RAB7A: variants seen among roughly 807,000 people sequenced by gnomAD.
The protein encoded by RAB7A is ras-related protein Rab-7a.
RAB7A carries 2 observed loss-of-function variants against 24.5 expected under a neutral mutation model. The observed-to-expected ratio is 0.08, with a 90% CI of 0.03 to 0.26. RAB7A has a LOEUF of 0.26. Ranked by LOEUF, RAB7A falls within the 10% of genes least tolerant of loss-of-function variation. The pLI, the probability that RAB7A is intolerant of heterozygous loss-of-function variation, is 1.00. For synonymous variants in RAB7A, 100 were observed against 95.9 expected, an observed-to-expected ratio of 1.04 and a Z score of -0.25; for missense variants, 118 against 255.7, an observed-to-expected ratio of 0.46 and a Z score of 3.67.
intron 2 of RAB7A, among the ~76,000 whole-genome samples, chr3:128,795,997 T>C (rs1014032231): frequency 6.6e-6 from 1 of 151,856 alleles, no homozygotes; most frequent in African/African-American, 2.4e-5. Context: ...GTGATCCGCC[T>C]GCCTCGGCCT....
chr3:128,777,965 C>T (rs150257998), intron 1 of RAB7A, among the ~76,000 whole-genome samples: 6,304 of 152,206 alleles, frequency 0.041, 178 homozygotes, highest in Non-Finnish European at 0.058. Flanking sequence ...CTGCCCGCCT[C>T]GGCCTCCCAA....
intron 1 of RAB7A, chr3:128,749,058 C>G (rs2070649730): frequency 6.6e-6 from 1 of 152,194 alleles, no homozygotes; most frequent in Non-Finnish European, 1.5e-5. Context: ...CCAGAGTCTG[C>G]TGTTTTTATG....
chr3:128,743,289 C>T (rs1223705011), intron 1 of RAB7A, among the ~76,000 whole-genome samples: 1 of 152,232 alleles, frequency 6.6e-6, no homozygotes, highest in Non-Finnish European at 1.5e-5. Context: ...GCCCCAGTTT[C>T]CCGCCCATGC....
At chr3:128,732,360 TAC>T (rs1240228023) in intron 1 of RAB7A, among the ~76,000 whole-genome samples, 1 of 151,948 alleles carries the variant, frequency 6.6e-6, no homozygotes, top group Non-Finnish European at 1.5e-5. Flanking sequence ...TTTAAAATGA[TAC>T]GTCTTTTTTG....
chr3:128,790,220 T>C (rs1933427459), intron 1 of RAB7A, among the ~76,000 whole-genome samples: 1 of 152,242 alleles, frequency 6.6e-6, no homozygotes, highest in African/African-American at 2.4e-5. Context: ...GTGGAATTCT[T>C]AGTATCAGCT....
At chr3:128,810,885 C>T (rs1161358862) in intron 5 of RAB7A, among the ~76,000 whole-genome samples, 1 of 152,120 alleles carries the variant, frequency 6.6e-6, no homozygotes, top group Admixed American at 6.5e-5. Context: ...GAAACCCCAT[C>T]TCTACTAAAA....
At chr3:128,803,854 G>A (rs967506080) in intron 3 of RAB7A, among the ~76,000 whole-genome samples, 3 of 152,098 alleles carry the variant, frequency 2.0e-5, no homozygotes, top group African/African-American at 7.2e-5. Context: ...TGGAAAAAAC[G>A]GATAAAAATA....
intron 5 of RAB7A, among the ~76,000 whole-genome samples, chr3:128,811,493 A>G (rs2107617728): frequency 6.6e-6 from 1 of 152,368 alleles, no homozygotes; most frequent in East Asian, 1.9e-4. Flanking sequence ...ACATGCTGCC[A>G]CATGGGTGCT....
chr3:128,791,432 C>T (rs1033792463), intron 1 of RAB7A, among the ~76,000 whole-genome samples: 26 of 152,186 alleles, frequency 1.7e-4, no homozygotes, highest in African/African-American at 5.8e-4. Flanking sequence ...TGAGCCACCG[C>T]GCCTGGCCAA....
chr3:128,733,214 C>T (rs1374350999), intron 1 of RAB7A, among the ~76,000 whole-genome samples: 1 of 152,116 alleles, frequency 6.6e-6, no homozygotes, highest in Admixed American at 6.6e-5. Context: ...ATCATCGATG[C>T]CCTGATGCTT....
intron 1 of RAB7A, among the ~76,000 whole-genome samples, chr3:128,758,278 T>TG (rs1406726324): frequency 2.0e-5 from 3 of 150,052 alleles, no homozygotes; most frequent in Non-Finnish European, 3.0e-5. Context: ...TTTTTTGTTT[T>TG]TTTTTTTTTT....
intron 1 of RAB7A, chr3:128,765,038 GGCGGCGGTGGCTGCGCGGCGCTGGA>G: frequency 7.3e-7 from 1 of 1,361,690 alleles, no homozygotes; most frequent in Non-Finnish European, 1.0e-6. Context: ...AAGGAGAGGT[GGCGGCGGTGGCTGCGCGGCGCTGGA>G]GCGGCGGCGG....
intron 3 of RAB7A, among the ~76,000 whole-genome samples, chr3:128,805,902 C>T (rs1933792956): frequency 6.6e-6 from 1 of 152,112 alleles, no homozygotes; most frequent in Admixed American, 6.5e-5. Context: ...TCCACTGTGC[C>T]TGGCTAGGCA....
chr3:128,806,681 TC>T, intron 4 of RAB7A, 91 bp downstream of exon 4: 1 of 1,280,302 alleles, frequency 7.8e-7, no homozygotes, highest in Non-Finnish European at 1.1e-6. Context: ...CTCACATGGC[TC>T]TAGGAGGTGC....
At chr3:128,785,708 C>T (rs1933322905) in intron 1 of RAB7A, among the ~76,000 whole-genome samples, 1 of 145,796 alleles carries the variant, frequency 6.9e-6, no homozygotes, top group African/African-American at 2.6e-5. Flanking sequence ...GAGATCGCGC[C>T]ACTGTACTCC....
intron 5 of RAB7A, among the ~76,000 whole-genome samples, chr3:128,808,654 C>G (rs1404186404): frequency 6.6e-6 from 1 of 152,166 alleles, no homozygotes; most frequent in Non-Finnish European, 1.5e-5. Context: ...TTTTGATGTA[C>G]AGCTCTGTTA....
chr3:128,729,308 C>T lies in RAB7A; in HGVS notation c.-9+2949C>T, dbSNP rs558575305. On this transcript the variant is annotated intron_variant, in intron 1 of 5. Transcript: ENST00000265062. Reference sequence around the variant, plus strand: ...GTCTTCAGCTGGGCACGGTGGCTCACGCCTGTAATCCCAGCACTTTGGGAG... The same window carrying T: ...GTCTTCAGCTGGGCACGGTGGCTCATGCCTGTAATCCCAGCACTTTGGGAG... Among the ~76,000 whole-genome samples the T allele has an allele frequency of 3.9e-5, 6 of 152,208 alleles. No homozygotes were observed. The East Asian group carries it at 1.2e-3, about 29-fold the overall frequency.
intron 1 of RAB7A, among the ~76,000 whole-genome samples, chr3:128,729,007 G>C (rs2070407770): frequency 6.6e-6 from 1 of 152,124 alleles, no homozygotes; most frequent in African/African-American, 2.4e-5. Flanking sequence ...GGGAAGATTT[G>C]GATTTTACAT....
At chr3:128,806,280 A>G (rs527920849) in intron 3 of RAB7A, 92 bp from the exon 4 acceptor site, 56 of 1,211,334 alleles carry the variant, frequency 4.6e-5, no homozygotes, top group African/African-American at 2.3e-4. Context: ...TGGCCCCACA[A>G]TCTAGCCTAT....
Sources: gnomAD v4.1 joint callset for allele counts (sites outside exome capture counted in the v4.1 genomes callset) on GRCh38, gnomAD v4.1.1 for gene constraint, MANE v1.5 for transcripts, NCBI Gene and HGNC (gene_info 2026-07-23, HGNC 2026-07-21) for gene names.